The following VPS37A variants were observed in gnomAD, a reference collection of about 807,000 sequenced individuals.
VPS37A encodes the protein VPS37A subunit of ESCRT-I.
In VPS37A, 30 loss-of-function variants were observed where a neutral mutation model predicts 49.8. That is an observed-to-expected ratio of 0.60 (90% confidence interval 0.45 to 0.82). VPS37A has a LOEUF of 0.82. Ranked by LOEUF, VPS37A falls within the 40% of genes least tolerant of loss-of-function variation. VPS37A has a pLI of 0.00. For synonymous variants in VPS37A, 195 were observed against 160.6 expected (o/e 1.21, Z -1.62); for missense variants, 593 against 464.4 (o/e 1.28, Z -2.55).
chr8:17,249,674 ATCTG>A (rs1391071382), intron 1 of VPS37A, among the ~76,000 whole-genome samples: 5 of 152,184 alleles, frequency 3.3e-5, no homozygotes, highest in African/African-American at 4.8e-5. Flanking sequence ...GTAAAAAATA[ATCTG>A]TCTGTATGGT....
chr8:17,299,499 T>G (rs1307727248), downstream of VPS37A: 1 of 192,012 alleles, frequency 5.2e-6, no homozygotes, highest in East Asian at 1.2e-4. Context: ...ATCATGATGA[T>G]CACAGATGTG....
At chr8:17,293,414 A>T (rs1816323281) in intron 11 of VPS37A, among the ~76,000 whole-genome samples, 1 of 151,968 alleles carries the variant, frequency 6.6e-6, no homozygotes, top group Non-Finnish European at 1.5e-5. Flanking sequence ...ATGCTCCTTT[A>T]GCTCTAAGGA....
At chr8:17,279,938 G>T (rs1447778083) in intron 6 of VPS37A, 90 bp from the exon 7 acceptor site, 11 of 1,555,092 alleles carry the variant, frequency 7.1e-6, no homozygotes, top group Middle Eastern at 1.7e-4. Context: ...AACCCTATCA[G>T]TTAACTAAAG....
At chr8:17,269,317 A>G (rs538615236) in intron 4 of VPS37A, among the ~76,000 whole-genome samples, 2 of 152,152 alleles carry the variant, frequency 1.3e-5, no homozygotes, top group Non-Finnish European at 2.9e-5. Flanking sequence ...TATTTGGTGT[A>G]TTTATTACTG....
chr8:17,253,524 A>G (rs1039604404), intron 1 of VPS37A, among the ~76,000 whole-genome samples: 2 of 152,262 alleles, frequency 1.3e-5, no homozygotes, highest in Non-Finnish European at 2.9e-5. Context: ...CATATATGGC[A>G]AAGGCTATGG....
chr8:17,274,736 A>G lies in VPS37A; in HGVS notation c.420A>G (p.Leu140=), dbSNP rs752387958. ...GATCTTCTCTTTTTCTTTTCAGTCT[A>G]TACAGTAACCCAAGTGGGATGTCTC... ...LAPTSTAFPY[L]YSNPSGMSPY... Residue 140 remains leucine (L), a synonymous_variant, in exon 5 of 12, where the codon CTA becomes CTG. Transcript: ENST00000324849. 67 of 1,612,328 alleles carry G rather than the reference A, an allele frequency of 4.2e-5. No homozygotes were observed. Among genetic ancestry groups the G allele is most frequent in the African/African-American group, 1.6e-4 (12 of 74,876 alleles).
At chr8:17,266,689 A>T (rs1168217652) in intron 2 of VPS37A, among the ~76,000 whole-genome samples, 3 of 152,242 alleles carry the variant, frequency 2.0e-5, no homozygotes, top group African/African-American at 7.2e-5. Context: ...TACTGCCTGT[A>T]CATAGGAGAC....
downstream of VPS37A, chr8:17,299,280 A>C (rs2150451288): frequency 6.6e-6 from 1 of 152,446 alleles, no homozygotes; most frequent in South Asian, 2.1e-4. Flanking sequence ...CTCACAATTC[A>C]AAATATATGC....
At chr8:17,307,988 G>A in the VPS37A span, among the ~76,000 whole-genome samples, 137 of 151,976 alleles carry the variant, frequency 9.0e-4, no homozygotes, top group Admixed American at 2.8e-3. Flanking sequence ...GTATATATAT[G>A]TAACAAACCT....
chr8:17,263,162 AATTAT>A (rs1285032773), intron 1 of VPS37A, among the ~76,000 whole-genome samples: 1 of 152,130 alleles, frequency 6.6e-6, no homozygotes, highest in East Asian at 1.9e-4. Flanking sequence ...TGTACAGTGT[AATTAT>A]ATTTTTATTT....
the VPS37A span, among the ~76,000 whole-genome samples, chr8:17,311,337 C>T: frequency 6.6e-6 from 1 of 152,170 alleles, no homozygotes; most frequent in Non-Finnish European, 1.5e-5. Context: ...TCCAAGCCTT[C>T]CCCTTTAATC....
intron 5 of VPS37A, among the ~76,000 whole-genome samples, chr8:17,275,627 G>A (rs1814445450): frequency 6.6e-6 from 1 of 152,094 alleles, no homozygotes; most frequent in South Asian, 2.1e-4. Context: ...TTAAAAGCTT[G>A]TATATTCTTA....
the VPS37A span, among the ~76,000 whole-genome samples, chr8:17,328,567 C>T: frequency 0.28 from 40,833 of 144,056 alleles, 6,097 homozygotes; most frequent in South Asian, 0.55. Flanking sequence ...GGCCTGTTGG[C>T]GGGGGTGGGG....
intron 6 of VPS37A, chr8:17,279,815 A>T: frequency 1.6e-6 from 1 of 636,510 alleles, no homozygotes; most frequent in Non-Finnish European, 2.8e-6. Flanking sequence ...TTACTTTTAC[A>T]GATTCTGTCA....
intron 9 of VPS37A, among the ~76,000 whole-genome samples, chr8:17,283,237 C>T (rs1815258690): frequency 6.6e-6 from 1 of 152,088 alleles, no homozygotes; most frequent in African/African-American, 2.4e-5. Flanking sequence ...CTCACTGCAG[C>T]CTTGACCTCC....
chr8:17,304,256 G>T, downstream of VPS37A: 2 of 1,055,972 alleles, frequency 1.9e-6, no homozygotes, highest in Non-Finnish European at 2.6e-6. Flanking sequence ...ATCTCCCTCT[G>T]GTGTCTTTTG....
At chr8:17,283,643 G>A (rs183538870) in intron 9 of VPS37A, among the ~76,000 whole-genome samples, 3 of 152,216 alleles carry the variant, frequency 2.0e-5, no homozygotes, top group African/African-American at 7.2e-5. Flanking sequence ...CTCCCTGGTT[G>A]AAAATCATTT....
intron 1 of VPS37A, among the ~76,000 whole-genome samples, chr8:17,259,803 C>A (rs1382759287): frequency 1.3e-5 from 2 of 152,036 alleles, no homozygotes; most frequent in East Asian, 3.8e-4. Flanking sequence ...GCTGAATTGA[C>A]CCCTTTATCA....
chr8:17,310,115 C>G, the VPS37A span, among the ~76,000 whole-genome samples: 4 of 152,116 alleles, frequency 2.6e-5, no homozygotes, highest in Non-Finnish European at 4.4e-5. Context: ...ATCCTCCCAC[C>G]TCAGCCCAAG....
Sources: gnomAD v4.1 joint callset for allele counts (sites outside exome capture counted in the v4.1 genomes callset) on GRCh38, gnomAD v4.1.1 for gene constraint, MANE v1.5 for transcripts, NCBI Gene and HGNC (gene_info 2026-07-23, HGNC 2026-07-21) for gene names.